Variants in FBXO6 observed in about 807,000 individuals in gnomAD.
FBXO6 encodes F-box protein 6, also known as F-box only protein 6.
FBXO6 carries 13 observed loss-of-function variants against 25.0 expected under a neutral mutation model. That is an observed-to-expected ratio of 0.52 (90% CI 0.34 to 0.83). The LOEUF is 0.83. Among genes scored for constraint, FBXO6 ranks in the 40% least tolerant of loss-of-function variants. The pLI is 0.02. For missense variants in FBXO6, 370 were observed against 380.2 expected, an observed-to-expected ratio of 0.97 and a Z score of 0.22; for synonymous variants, 138 against 155.3, an observed-to-expected ratio of 0.89 and a Z score of 0.83.
intron 2 of FBXO6, among the ~76,000 whole-genome samples, chr1:11,670,301 T>C (rs1173942352): frequency 1.3e-5 from 2 of 151,166 alleles, no homozygotes; most frequent in East Asian, 3.9e-4. Context: ...AAGTTCAGTG[T>C]GAAGAGGGTG....
chr1:11,669,570 CCA>C (rs1290311575), intron 2 of FBXO6, among the ~76,000 whole-genome samples: 1 of 147,858 alleles, frequency 6.8e-6, no homozygotes, highest in East Asian at 2.0e-4. Flanking sequence ...ACTATAGCAT[CCA>C]CAGTGACACC....
Position 11,668,962 on chromosome 1 carries a change from T to C in FBXO6, c.286+18T>C. 1 of 1,609,664 alleles carries C rather than the reference T, an allele frequency of 6.2e-7. No homozygotes were observed. The highest frequency in any genetic ancestry group is 1.1e-5 in the South Asian group (1 of 90,996). On this transcript the variant is annotated intron_variant, in intron 2 of 5. Transcript: ENST00000376753. ...TGCTGAAGGTGGCATGGGGGCAGGG[T>C]GGAGGCTGCCACCAGGCTCGTTCCT...
At position 11,673,395 on chromosome 1, in the gene FBXO6, A is replaced by G. The variant is rs765932042; in HGVS notation, c.628A>G (p.Asn210Asp). Reference protein sequence around the residue: ...PPPVTIQQWNNATWTEVSYTF... With the variant: ...PPPVTIQQWNDATWTEVSYTF... ...ACCTGTGACCATCCAACAGTGGAAC[A>G]ATGCCACATGGACAGAGGTGAGGCC... The change falls in exon 5 of 6, where the codon AAT becomes GAT. Residue 210 changes from asparagine to aspartate, a missense_variant. By Grantham distance (23) the Asn-to-Asp change is conservative (BLOSUM62 1). Transcript: ENST00000376753. This position sits in a 1 kb window ranked among gnomAD's most constrained non-coding sequence, Gnocchi z 4.3. 13 of 1,613,888 alleles carry G rather than the reference A, an allele frequency of 8.1e-6. No individual in the cohort carries two copies. In the East Asian group the frequency reaches 2.2e-4, roughly 28 times the overall value.
intron 3 of FBXO6, 30 bp downstream of exon 3, chr1:11,671,422 G>A (rs772863931): frequency 1.9e-5 from 30 of 1,607,920 alleles, no homozygotes; most frequent in African/African-American, 6.7e-5. Flanking sequence ...CCAGGCTTGC[G>A]TGGAGGGGAC....
At chr1:11,665,646 C>T (rs1345021877) in intron 1 of FBXO6, among the ~76,000 whole-genome samples, 8 of 141,024 alleles carry the variant, frequency 5.7e-5, no homozygotes, top group Non-Finnish European at 9.0e-5. Flanking sequence ...CTGCAACCTC[C>T]GCTTCCCGGG....
At chr1:11,664,888 G>T (rs1031349305) in intron 1 of FBXO6, among the ~76,000 whole-genome samples, 2 of 152,094 alleles carry the variant, frequency 1.3e-5, no homozygotes, top group Middle Eastern at 3.4e-3. Context: ...CCCAGGGCCG[G>T]GGGGGGGAAG....
At position 11,673,230 on chromosome 1, in the gene FBXO6, G is replaced by A. The variant is rs766497964; in HGVS notation, c.510-47G>A. Reference sequence around the variant, plus strand: ...GGTCCCACCTGCCCCCACCCCTGGGGCCAGCCCTCGGTGGCTTGGACACAG... The same window carrying A: ...GGTCCCACCTGCCCCCACCCCTGGGACCAGCCCTCGGTGGCTTGGACACAG... On this transcript the variant is annotated intron_variant, in intron 4 of 5. Coordinates refer to ENST00000376753, the MANE Select transcript of FBXO6 (RefSeq NM_018438.6). The surrounding 1 kb of genome is among the most constrained non-coding windows in gnomAD (Gnocchi z 4.3). 9.5e-6 allele frequency: 15 copies of A among 1,573,460 alleles called. No individual in the cohort carries two copies. The highest frequency in any genetic ancestry group is 1.8e-4 in the Middle Eastern group (1 of 5,584).
chr1:11,673,737 C>T lies in FBXO6; in HGVS notation c.768C>T (p.Val256=), dbSNP rs1281437804. ...CCCGAGTCACCAACAGCAGCATTGT[C>T]GTCAGCCCCAAGATGACCAGGAACC... ...YGPRVTNSSI[V]VSPKMTRNQA... is the part of the protein sequence containing the mutation. The change falls in exon 6 of 6, where the codon GTC becomes GTT. Residue 256 remains valine (V), a synonymous_variant. Transcript: ENST00000376753. The surrounding 1 kb of genome is among the most constrained non-coding windows in gnomAD (Gnocchi z 4.3). The T allele has an allele frequency of 4.3e-6, 7 of 1,614,090 alleles. No individual in the cohort carries two copies. Among genetic ancestry groups the T allele is most frequent in the East Asian group, 2.2e-5 (1 of 44,880 alleles).
In FBXO6 at chr1:11,673,806, G is replaced by A; in HGVS notation, c.837G>A (p.Glu279=). ...EAQPGQKHGQ[E]EAAQSPYRAV... The stretch of plus-strand genomic sequence containing the variant: ...AGCCTGGGCAGAAGCATGGACAGGA[G>A]GAGGCTGCCCAATCGCCCTACCGAG... Residue 279 remains glutamate (E), a synonymous_variant, in exon 6 of 6, where the codon GAG becomes GAA. Transcript: ENST00000376753. This position sits in a 1 kb window ranked among gnomAD's most constrained non-coding sequence, Gnocchi z 4.3. The A allele has an allele frequency of 6.2e-7, 1 of 1,614,138 alleles. No individual in the cohort carries two copies. The highest frequency in any genetic ancestry group is 1.1e-5 in the South Asian group (1 of 91,086).
chr1:11,670,742 C>T (rs986124507), intron 2 of FBXO6, among the ~76,000 whole-genome samples: 1 of 152,130 alleles, frequency 6.6e-6, no homozygotes, highest in African/African-American at 2.4e-5. Context: ...CAGGCGCAAG[C>T]CACCGTGCCC....
intron 2 of FBXO6, among the ~76,000 whole-genome samples, chr1:11,669,653 T>TACATATACACATGTATATATGTAC: frequency 9.6e-6 from 1 of 104,674 alleles, no homozygotes; most frequent in East Asian, 2.4e-4. Flanking sequence ...TACACGTGTA[T>TACATATACACATGTATATATGTAC]ACATATACAC....
chr1:11,669,953 C>T (rs1260309800), intron 2 of FBXO6, among the ~76,000 whole-genome samples: 2 of 141,826 alleles, frequency 1.4e-5, no homozygotes, highest in South Asian at 4.6e-4. Context: ...TGGCTCACGC[C>T]TGTAATCCCA....
chr1:11,665,050 T>G (rs1202257866), intron 1 of FBXO6, among the ~76,000 whole-genome samples: 4 of 151,228 alleles, frequency 2.6e-5, no homozygotes, highest in Non-Finnish European at 5.9e-5. Flanking sequence ...AGCATTTATT[T>G]ATTTATTTAT....
chr1:11,673,215 G>T lies in FBXO6; in HGVS notation c.510-62G>T. On this transcript the variant is annotated intron_variant, in intron 4 of 5. Coordinates refer to ENST00000376753, the MANE Select transcript of FBXO6 (RefSeq NM_018438.6). This position sits in a 1 kb window ranked among gnomAD's most constrained non-coding sequence, Gnocchi z 4.3. ...GAGCTCCAATGTATAGGTCCCACCT[G>T]CCCCCACCCCTGGGGCCAGCCCTCG... is the stretch of plus-strand genomic sequence containing the variant. 1 of 1,550,926 alleles carries T rather than the reference G, an allele frequency of 6.4e-7. No individual in the cohort carries two copies. The highest frequency in any genetic ancestry group is 8.7e-7 in the Non-Finnish European group (1 of 1,149,438).
chr1:11,665,629 C>T lies in FBXO6; in HGVS notation c.-4+1374C>T, dbSNP rs549547252. On this transcript the variant is annotated intron_variant, in intron 1 of 5. Coordinates refer to ENST00000376753, the MANE Select transcript of FBXO6 (RefSeq NM_018438.6). ...AGGCTGGAGTGCAGTGGCACGATCT[C>T]GGCTCACTGCAACCTCCGCTTCCCG... 7.5e-4 allele frequency among the ~76,000 whole-genome samples: 99 copies of T among 132,776 alleles called. 1 individual carries two copies. Among genetic ancestry groups the T allele is most frequent in the South Asian group, 6.5e-3 (26 of 4,004 alleles). The allele number at this position is 132,776 out of a possible 152,430, so 87.1% of individuals were successfully genotyped here.
At chr1:11,666,693 T>G (rs182057193) in intron 1 of FBXO6, among the ~76,000 whole-genome samples, 71 of 152,224 alleles carry the variant, frequency 4.7e-4, no homozygotes, top group Non-Finnish European at 1.3e-4. Flanking sequence ...GCAAAGCATT[T>G]TTCACGAGGC....
intron 4 of FBXO6, among the ~76,000 whole-genome samples, chr1:11,672,639 G>T (rs113607643): frequency 6.6e-6 from 1 of 152,128 alleles, no homozygotes; most frequent in Non-Finnish European, 1.5e-5. Flanking sequence ...GCCCTCTCTG[G>T]ACTGGGTGGG....
intron 2 of FBXO6, among the ~76,000 whole-genome samples, chr1:11,669,723 T>TATATAC (rs571137449): frequency 7.9e-6 from 1 of 127,036 alleles, no homozygotes; most frequent in Non-Finnish European, 1.7e-5. Flanking sequence ...TGTGTATACA[T>TATATAC]ATATACATAT....
Position 11,674,336 on chromosome 1 carries a change from A to G in FBXO6, c.*485A>G, listed in dbSNP as rs1188601051. 6.5e-6 allele frequency: 1 copy of G among 152,836 alleles called. No homozygotes were observed. Among genetic ancestry groups the G allele is most frequent in the African/African-American group, 2.4e-5 (1 of 41,458 alleles). The allele number at this position is 152,836 out of a possible 1,614,324, so 9.5% of individuals were successfully genotyped here. On this transcript the variant is annotated 3_prime_UTR_variant, in exon 6 of 6. Coordinates refer to ENST00000376753, the MANE Select transcript of FBXO6 (RefSeq NM_018438.6). This position sits in a 1 kb window ranked among gnomAD's most constrained non-coding sequence, Gnocchi z 6.1. ...AATAATAATAATAAATAAATAAAAAATAAATGTTTTCAGTAAAACCAGCCT... is the reference window on the plus strand; with the variant it reads ...AATAATAATAATAAATAAATAAAAAGTAAATGTTTTCAGTAAAACCAGCCT...
Sources: gnomAD v4.1 joint callset for allele counts (sites outside exome capture counted in the v4.1 genomes callset) on GRCh38, gnomAD v4.1.1 for gene constraint, Gnocchi (gnomAD v3.1) non-coding constraint, MANE v1.5 for transcripts, NCBI Gene and HGNC (gene_info 2026-07-23, HGNC 2026-07-21) for gene names.